Variants in KLHL32 observed in about 807,000 individuals in gnomAD.
KLHL32 encodes kelch-like protein 32.
A neutral mutation model predicts 64.8 loss-of-function variants in KLHL32; 35 were observed. The observed-to-expected ratio is 0.54, with a 90% CI of 0.41 to 0.72. The LOEUF is 0.72. Among genes scored for constraint, KLHL32 ranks in the 30% least tolerant of loss-of-function variants. The pLI is 0.00. For missense variants in KLHL32, 589 were observed against 768.5 expected, an observed-to-expected ratio of 0.77 and a Z score of 2.76; for synonymous variants, 259 against 281.0, an observed-to-expected ratio of 0.92 and a Z score of 0.78.
At chr6:96,945,572 A>G (rs997310701) in intron 1 of KLHL32, among the ~76,000 whole-genome samples, 2 of 152,198 alleles carry the variant, frequency 1.3e-5, no homozygotes, top group Non-Finnish European at 2.9e-5. Flanking sequence ...CTAGAAAGAG[A>G]GGGGTGCTTT....
chr6:96,968,695 C>G (rs539670615), intron 2 of KLHL32, among the ~76,000 whole-genome samples: 1 of 152,320 alleles, frequency 6.6e-6, no homozygotes, highest in African/African-American at 2.4e-5. Flanking sequence ...GACTCTCCCA[C>G]TGTGCCATGT....
At chr6:96,990,155 A>C (rs1777673351) in intron 3 of KLHL32, among the ~76,000 whole-genome samples, 2 of 152,172 alleles carry the variant, frequency 1.3e-5, no homozygotes. Flanking sequence ...TTGGAGAAAA[A>C]GACACTCTGG....
chr6:97,079,396 A>G (rs1443478258), intron 5 of KLHL32, among the ~76,000 whole-genome samples: 2 of 152,174 alleles, frequency 1.3e-5, no homozygotes, highest in African/African-American at 4.8e-5. Flanking sequence ...CCTTCCTCCC[A>G]TTCATGTCCT....
chr6:97,041,441 T>TCC, intron 3 of KLHL32, 51 bp from the exon 4 acceptor site: 1 of 1,232,654 alleles, frequency 8.1e-7, no homozygotes, highest in Admixed American at 1.8e-5. Context: ...TTTGTCTTGC[T>TCC]CCCTTGCTGT....
At chr6:97,025,584 T>C (rs1270152260) in intron 3 of KLHL32, among the ~76,000 whole-genome samples, 2 of 152,236 alleles carry the variant, frequency 1.3e-5, no homozygotes, top group African/African-American at 2.4e-5. Context: ...AGAGGAGGTC[T>C]GTAAGTCTAA....
chr6:96,899,208 A>G, the KLHL32 span, among the ~76,000 whole-genome samples: 1 of 152,242 alleles, frequency 6.6e-6, no homozygotes, highest in South Asian at 2.1e-4. Flanking sequence ...AGCTGAAATC[A>G]GTGATCTCAG....
At chr6:97,007,011 A>G (rs1779749512) in intron 3 of KLHL32, among the ~76,000 whole-genome samples, 1 of 152,106 alleles carries the variant, frequency 6.6e-6, no homozygotes, top group Non-Finnish European at 1.5e-5. Flanking sequence ...GGTTCTCCAC[A>G]TTTCCCAAAT....
At chr6:96,916,512 C>G in the KLHL32 span, among the ~76,000 whole-genome samples, 4,421 of 152,250 alleles carry the variant, frequency 0.029, 127 homozygotes, top group Non-Finnish European at 0.046. Context: ...TCTCTTGAAG[C>G]TCAAACCTAT....
intron 3 of KLHL32, among the ~76,000 whole-genome samples, chr6:97,019,939 C>A (rs1315082980): frequency 3.2e-5 from 4 of 125,108 alleles, no homozygotes; most frequent in Admixed American, 9.8e-5. Flanking sequence ...ATCACCACTC[C>A]CGGCGAATTT....
In KLHL32 at chr6:96,967,092, T is replaced by G; in HGVS notation, c.23+9T>G. 9 of 1,613,170 alleles carry G rather than the reference T, an allele frequency of 5.6e-6. No individual in the cohort carries two copies. The highest frequency in any genetic ancestry group is 7.6e-6 in the Non-Finnish European group (9 of 1,179,486). Reference sequence around the variant, plus strand: ...TCTGAACGCTGCCTCAGGTATGCCCTGTAGGATATGTCCTCACATGCCGTA... The same window carrying G: ...TCTGAACGCTGCCTCAGGTATGCCCGGTAGGATATGTCCTCACATGCCGTA... On this transcript the variant is annotated intron_variant, in intron 2 of 10. Transcript: ENST00000369261.
intron 3 of KLHL32, among the ~76,000 whole-genome samples, chr6:96,988,799 T>G (rs1304291088): frequency 1.3e-5 from 2 of 152,172 alleles, no homozygotes; most frequent in Non-Finnish European, 2.9e-5. Flanking sequence ...TTCATGTCCT[T>G]TGTAGGGACA....
At chr6:96,922,211 A>G (rs1016490647), upstream of KLHL32, among the ~76,000 whole-genome samples, 5 of 152,164 alleles carry the variant, frequency 3.3e-5, no homozygotes, top group Admixed American at 1.3e-4. Context: ...GGGACAGGCC[A>G]ATGCTCCAGG....
intron 4 of KLHL32, among the ~76,000 whole-genome samples, chr6:97,052,262 A>G (rs1328220055): frequency 2.0e-5 from 3 of 152,232 alleles, no homozygotes; most frequent in Non-Finnish European, 4.4e-5. Context: ...ATGCACATGC[A>G]GATGCAGACT....
chr6:97,114,544 C>T (rs1361654539), intron 7 of KLHL32, 35 bp downstream of exon 7: 1 of 1,608,320 alleles, frequency 6.2e-7, no homozygotes, highest in South Asian at 1.1e-5. Flanking sequence ...TATCAAAACA[C>T]ACTTTCATTG....
chr6:96,966,059 C>T (rs1236326472), intron 1 of KLHL32, among the ~76,000 whole-genome samples: 4 of 152,188 alleles, frequency 2.6e-5, no homozygotes, highest in Non-Finnish European at 5.9e-5. Context: ...AATCATAGCT[C>T]TCTCTTTTAT....
At chr6:96,967,316 C>CT (rs1266876042) in intron 2 of KLHL32, among the ~76,000 whole-genome samples, 1 of 151,982 alleles carries the variant, frequency 6.6e-6, no homozygotes, top group East Asian at 1.9e-4. Flanking sequence ...ATTTTTTAAT[C>CT]TTTTTTTCTT....
intron 3 of KLHL32, among the ~76,000 whole-genome samples, chr6:97,020,078 G>T (rs560320208): frequency 6.6e-5 from 10 of 151,838 alleles, no homozygotes; most frequent in Non-Finnish European, 1.5e-4. Flanking sequence ...AAGTAACTGG[G>T]ATTATAGGTG....
chr6:97,083,019 C>T (rs966550226), intron 5 of KLHL32, among the ~76,000 whole-genome samples: 58 of 152,328 alleles, frequency 3.8e-4, no homozygotes, highest in African/African-American at 1.3e-3. Flanking sequence ...GTACTTTCCA[C>T]GTGCCAAACT....
intron 3 of KLHL32, among the ~76,000 whole-genome samples, chr6:96,991,299 A>G (rs528274793): frequency 3.3e-5 from 5 of 152,218 alleles, no homozygotes; most frequent in African/African-American, 1.2e-4. Flanking sequence ...CTGCTCTGCA[A>G]TTCCAGCTGA....
Sources: allele counts gnomAD v4.1 joint callset (sites outside exome capture counted in the v4.1 genomes callset), GRCh38; gene constraint gnomAD v4.1.1; transcripts MANE v1.5; gene names NCBI Gene and HGNC (gene_info 2026-07-23, HGNC 2026-07-21).